MBD5: variants seen among roughly 807,000 people sequenced by gnomAD.
MBD5 encodes the protein methyl-CpG binding domain protein 5, also known as methyl-CpG-binding domain protein 5.
MBD5 carries 13 observed loss-of-function variants against 117.3 expected under a neutral mutation model. The observed-to-expected ratio is 0.11, with a 90% CI of 0.07 to 0.18. The LOEUF (loss-of-function observed/expected upper bound fraction) is 0.18. MBD5 is among the 10% of genes least tolerant of loss of function. The probability of loss-of-function intolerance (pLI) is 1.00; values close to 1 mark genes in which losing one functional copy is unlikely to be tolerated. For synonymous variants in MBD5, 727 were observed against 766.4 expected (o/e 0.95, Z 0.85); for missense variants, 1,879 against 2,093.8 (o/e 0.90, Z 2.00).
intron 1 of MBD5, among the ~76,000 whole-genome samples, chr2:148,085,410 A>C (rs1695751306): frequency 6.6e-6 from 1 of 152,192 alleles, no homozygotes; most frequent in African/African-American, 2.4e-5. Context: ...GCACCAGAGC[A>C]ATTACTTCCA....
chr2:148,356,942 C>T (rs1220549906), intron 4 of MBD5, among the ~76,000 whole-genome samples: 1 of 151,768 alleles, frequency 6.6e-6, no homozygotes, highest in Non-Finnish European at 1.5e-5. Flanking sequence ...CCCTTAGCAA[C>T]TCCTAAGAAC....
intron 1 of MBD5, among the ~76,000 whole-genome samples, chr2:148,125,928 A>T (rs995802790): frequency 2.0e-5 from 3 of 152,210 alleles, no homozygotes; most frequent in Non-Finnish European, 4.4e-5. Context: ...AAAAAGAAAG[A>T]TTTGTAGAGT....
chr2:148,240,967 AT>A (rs1424378256), intron 3 of MBD5, among the ~76,000 whole-genome samples: 1 of 151,172 alleles, frequency 6.6e-6, no homozygotes, highest in Non-Finnish European at 1.5e-5. Flanking sequence ...CTGAAATGCT[AT>A]TTGGGCATTT....
At chr2:148,138,861 G>A (rs1397082231) in intron 1 of MBD5, among the ~76,000 whole-genome samples, 2 of 151,934 alleles carry the variant, frequency 1.3e-5, no homozygotes, top group Admixed American at 1.3e-4. Flanking sequence ...TTTAAAAAGT[G>A]TTTACCTTGG....
intron 4 of MBD5, among the ~76,000 whole-genome samples, chr2:148,377,425 T>C (rs1190936173): frequency 6.6e-6 from 1 of 152,204 alleles, no homozygotes; most frequent in Admixed American, 6.5e-5. Flanking sequence ...CTTTGCATCC[T>C]TCAATCCAAT....
intron 2 of MBD5, chr2:148,219,890 G>C (rs984538890): frequency 1.3e-5 from 2 of 152,178 alleles, no homozygotes; most frequent in Non-Finnish European, 2.9e-5. Context: ...ATTATTTACT[G>C]TTAGCAGAAT....
At chr2:148,355,041 CAT>C (rs1289244776) in intron 4 of MBD5, among the ~76,000 whole-genome samples, 2 of 152,018 alleles carry the variant, frequency 1.3e-5, no homozygotes, top group Non-Finnish European at 2.9e-5. Context: ...CGCATTTTTT[CAT>C]ATGTTTGTTG....
At chr2:148,143,196 C>T (rs1016767392) in intron 1 of MBD5, among the ~76,000 whole-genome samples, 6 of 152,282 alleles carry the variant, frequency 3.9e-5, no homozygotes, top group Non-Finnish European at 8.8e-5. Flanking sequence ...TACAGCAGGT[C>T]CTCAAATAAT....
At chr2:148,095,492 A>G (rs1287177060) in intron 1 of MBD5, among the ~76,000 whole-genome samples, 1 of 152,236 alleles carries the variant, frequency 6.6e-6, no homozygotes, top group East Asian at 1.9e-4. Context: ...TATATGATTT[A>G]CTTAGTACCA....
At chr2:148,257,303 C>T (rs1012214086) in intron 3 of MBD5, among the ~76,000 whole-genome samples, 5 of 152,246 alleles carry the variant, frequency 3.3e-5, no homozygotes, top group Non-Finnish European at 7.3e-5. Context: ...GTCTCAGCTG[C>T]ATCATTCCAA....
intron 1 of MBD5, among the ~76,000 whole-genome samples, chr2:148,169,900 CT>C (rs11284103): frequency 0.94 from 124,037 of 132,156 alleles, 58,387 homozygotes; most frequent in East Asian, 0.99. Flanking sequence ...AGGGATTCTT[CT>C]TTTTTTTTTT....
intron 7 of MBD5, 101 bp downstream of exon 7, chr2:148,464,020 C>T (rs953455139): frequency 1.6e-5 from 19 of 1,170,902 alleles, no homozygotes; most frequent in East Asian, 5.0e-5. Context: ...TTTTCAGGCA[C>T]GCACAATGCT....
At chr2:148,157,504 T>C (rs1256857538) in intron 1 of MBD5, among the ~76,000 whole-genome samples, 1 of 152,186 alleles carries the variant, frequency 6.6e-6, no homozygotes, top group Non-Finnish European at 1.5e-5. Flanking sequence ...TTGAGCAGTG[T>C]CTCTCATCCA....
At chr2:148,389,105 A>T (rs1223096758) in intron 4 of MBD5, among the ~76,000 whole-genome samples, 1 of 150,362 alleles carries the variant, frequency 6.7e-6, no homozygotes. Flanking sequence ...GTTACTTCAC[A>T]TAGGATAATG....
chr2:148,487,541 G>A lies in MBD5; in HGVS notation c.3753+1591G>A, dbSNP rs145981145. Among the ~76,000 whole-genome samples, 65 of 151,714 alleles carry A rather than the reference G, an allele frequency of 4.3e-4. 1 individual carries two copies. The East Asian group carries it at 0.011, about 25-fold the overall frequency. On this transcript the variant is annotated intron_variant, in intron 10 of 13. Transcript: ENST00000642680. ...AGAAAGGAAGAGGAAGTGCTCAACC[G>A]TGTCACTGAGAAAAAAGGTAAGATA...
At chr2:148,060,893 T>G (rs1246276690) in intron 1 of MBD5, among the ~76,000 whole-genome samples, 2 of 152,114 alleles carry the variant, frequency 1.3e-5, no homozygotes, top group Non-Finnish European at 2.9e-5. Flanking sequence ...CCAAAGAGGC[T>G]CTATATGTTT....
intron 4 of MBD5, among the ~76,000 whole-genome samples, chr2:148,429,720 A>T (rs566714656): frequency 6.6e-6 from 1 of 152,208 alleles, no homozygotes; most frequent in Non-Finnish European, 1.5e-5. Context: ...GCTGGAAACC[A>T]TCATTCTCAG....
chr2:148,469,554 C>T lies in MBD5; in HGVS notation c.1611C>T (p.Ser537=). The T allele has an allele frequency of 6.2e-7, 1 of 1,613,824 alleles. No individual in the cohort carries two copies. The highest frequency in any genetic ancestry group is 8.5e-7 in the Non-Finnish European group (1 of 1,179,918). The change falls in exon 8 of 14, where the codon AGC becomes AGT. Residue 537 remains serine (S), a synonymous_variant. Transcript: ENST00000642680. ...AGISNVLNTP[S]SAAFPTASAG... is the part of the protein sequence containing the mutation. Reference sequence around the variant, plus strand: ...TAAGTAATGTACTAAATACCCCAAGCAGTGCAGCTTTTCCTACTGCATCTG... The same window carrying T: ...TAAGTAATGTACTAAATACCCCAAGTAGTGCAGCTTTTCCTACTGCATCTG...
At chr2:148,390,651 C>T (rs997790322) in intron 4 of MBD5, among the ~76,000 whole-genome samples, 2 of 151,624 alleles carry the variant, frequency 1.3e-5, no homozygotes, top group Non-Finnish European at 1.5e-5. Context: ...TCTCAGCTCA[C>T]GGTAACCGTG....
Sources: allele counts gnomAD v4.1 joint callset (sites outside exome capture counted in the v4.1 genomes callset), GRCh38; gene constraint gnomAD v4.1.1; transcripts MANE v1.5; gene names NCBI Gene and HGNC (gene_info 2026-07-23, HGNC 2026-07-21).